The following CCDC149 variants were observed in gnomAD, a reference collection of about 807,000 sequenced individuals.
The protein encoded by CCDC149 is coiled-coil domain-containing protein 149.
A neutral mutation model predicts 59.9 loss-of-function variants in CCDC149; 45 were observed. The observed-to-expected ratio is 0.75, with a 90% CI of 0.59 to 0.96. CCDC149 has a LOEUF of 0.96. Ranked by LOEUF, CCDC149 falls within the 40% of genes least tolerant of loss-of-function variation. The pLI is 0.00. For synonymous variants in CCDC149, 245 were observed against 260.6 expected (o/e 0.94, Z 0.58); for missense variants, 584 against 664.7 (o/e 0.88, Z 1.33).
chr4:24,941,676 A>G (rs1422656473), intron 1 of CCDC149, among the ~76,000 whole-genome samples: 1 of 152,218 alleles, frequency 6.6e-6, no homozygotes, highest in Non-Finnish European at 1.5e-5. Context: ...GAAAAGAGAG[A>G]AGAATCAAAT....
chr4:24,957,236 G>T (rs919786872), intron 1 of CCDC149, among the ~76,000 whole-genome samples: 5 of 152,138 alleles, frequency 3.3e-5, no homozygotes, highest in Admixed American at 3.3e-4. Flanking sequence ...CACATCCAGG[G>T]ACCTTCCATT....
intron 12 of CCDC149, among the ~76,000 whole-genome samples, chr4:24,817,067 G>C (rs193181098): frequency 6.6e-6 from 1 of 152,182 alleles, no homozygotes; most frequent in Non-Finnish European, 1.5e-5. Context: ...TAGGAACAAT[G>C]AGAGCTAATG....
chr4:24,855,352 G>A (rs1347052020), intron 3 of CCDC149, among the ~76,000 whole-genome samples: 2 of 152,158 alleles, frequency 1.3e-5, no homozygotes, highest in African/African-American at 4.8e-5. Flanking sequence ...ATCACCTGAG[G>A]TCAGGAGTTC....
intron 10 of CCDC149, 63 bp downstream of exon 10, chr4:24,822,434 G>A (rs757875465): frequency 4.0e-5 from 43 of 1,072,268 alleles, no homozygotes; most frequent in Non-Finnish European, 5.5e-5. Context: ...TTACGTGGGA[G>A]CTTCATTTCT....
At chr4:24,823,766 T>C (rs1477851114) in intron 9 of CCDC149, among the ~76,000 whole-genome samples, 1 of 152,222 alleles carries the variant, frequency 6.6e-6, no homozygotes, top group East Asian at 1.9e-4. Flanking sequence ...CACAGAAAAC[T>C]CTGGAATTAC....
chr4:24,841,544 G>A (rs1716937714), intron 4 of CCDC149, among the ~76,000 whole-genome samples: 1 of 152,204 alleles, frequency 6.6e-6, no homozygotes, highest in African/African-American at 2.4e-5. Flanking sequence ...GCCCAAGTTG[G>A]TAATAGCTGG....
chr4:24,945,378 G>A (rs1009086173), intron 1 of CCDC149, among the ~76,000 whole-genome samples: 3 of 152,168 alleles, frequency 2.0e-5, no homozygotes. Flanking sequence ...ACATAAGGAG[G>A]TGCCATGTAT....
At chr4:24,863,056 G>A (rs1374214642) in intron 3 of CCDC149, among the ~76,000 whole-genome samples, 2 of 152,324 alleles carry the variant, frequency 1.3e-5, no homozygotes, top group East Asian at 1.9e-4. Context: ...ACTTTGGGGG[G>A]CTGAGGCGGG....
At chr4:24,856,879 G>A (rs1174767956) in intron 3 of CCDC149, among the ~76,000 whole-genome samples, 5 of 152,152 alleles carry the variant, frequency 3.3e-5, no homozygotes, top group Admixed American at 3.3e-4. Context: ...GGAGGGCCAG[G>A]CCATTGGGCA....
At chr4:24,833,531 G>A (rs1716301897) in intron 8 of CCDC149, among the ~76,000 whole-genome samples, 1 of 152,158 alleles carries the variant, frequency 6.6e-6, no homozygotes, top group African/African-American at 2.4e-5. Flanking sequence ...AGCTGAGGCA[G>A]GAGAATCGCT....
intron 1 of CCDC149, among the ~76,000 whole-genome samples, chr4:24,959,857 G>A (rs1208217921): frequency 6.6e-6 from 1 of 152,148 alleles, no homozygotes; most frequent in East Asian, 1.9e-4. Flanking sequence ...CAGACACACA[G>A]AAGCTGAAAG....
chr4:24,962,745 A>AG (rs1451815937), intron 1 of CCDC149, among the ~76,000 whole-genome samples: 1 of 147,122 alleles, frequency 6.8e-6, no homozygotes, highest in Non-Finnish European at 1.5e-5. Context: ...GGGTGGGAGG[A>AG]GGGGGGAGGG....
At chr4:24,884,607 T>C (rs1297346865) in intron 1 of CCDC149, among the ~76,000 whole-genome samples, 2 of 152,158 alleles carry the variant, frequency 1.3e-5, no homozygotes, top group African/African-American at 4.8e-5. Context: ...TTTAGACTAA[T>C]GGTTGGGAAC....
chr4:24,810,197 TG>T (rs1714505840), intron 12 of CCDC149, among the ~76,000 whole-genome samples: 1 of 152,240 alleles, frequency 6.6e-6, no homozygotes, highest in Non-Finnish European at 1.5e-5. Context: ...ACATTTGACG[TG>T]TTTATCTCAT....
chr4:24,954,565 AGTG>A (rs1723408053), intron 1 of CCDC149, among the ~76,000 whole-genome samples: 1 of 152,194 alleles, frequency 6.6e-6, no homozygotes, highest in South Asian at 2.1e-4. Context: ...TGCTTTCCTG[AGTG>A]GTGGCTTGAG....
intron 1 of CCDC149, among the ~76,000 whole-genome samples, chr4:24,935,322 G>A (rs1722706659): frequency 6.6e-6 from 1 of 152,266 alleles, no homozygotes; most frequent in South Asian, 2.1e-4. Context: ...CACAAGAAGA[G>A]CAAATTTGGG....
intron 3 of CCDC149, among the ~76,000 whole-genome samples, chr4:24,858,820 G>A (rs1426271848): frequency 6.6e-6 from 1 of 152,080 alleles, no homozygotes; most frequent in Non-Finnish European, 1.5e-5. Flanking sequence ...TAGAGCTGTC[G>A]GATCTCACCC....
intron 1 of CCDC149, among the ~76,000 whole-genome samples, chr4:24,931,829 G>GTATATATATGTATATATGTA (rs60585956): frequency 1.3e-5 from 1 of 76,908 alleles, no homozygotes; most frequent in Non-Finnish European, 2.4e-5. Context: ...TGGAGAGTAT[G>GTATATATATGTATATATGTA]TATATATATA....
chr4:24,831,544 C>T lies in CCDC149; in HGVS notation c.927G>A (p.Glu309=), dbSNP rs1577390686. 3 of 1,614,052 alleles carry T rather than the reference C, an allele frequency of 1.9e-6. 1 individual carries two copies. The highest frequency in any genetic ancestry group is 3.3e-4 in the Middle Eastern group (2 of 6,052). The change falls in exon 9 of 13, where the codon GAG becomes GAA. Residue 309 remains glutamate, a synonymous_variant. Transcript: ENST00000635206. ...TCTGGTGCTGAATGACCATGTTTTT[C>T]TCGTGGATTGTTTCCAACAGGGCTG...
Sources: gnomAD v4.1 joint callset for allele counts (sites outside exome capture counted in the v4.1 genomes callset) on GRCh38, gnomAD v4.1.1 for gene constraint, MANE v1.5 for transcripts, NCBI Gene and HGNC (gene_info 2026-07-23, HGNC 2026-07-21) for gene names.